The following STK4 variants were observed in gnomAD, a reference collection of about 807,000 sequenced individuals.
The protein encoded by STK4 is serine/threonine kinase 4.
Under a neutral mutation model 64.9 loss-of-function variants are expected in STK4, and 30 were observed. That is an observed-to-expected ratio of 0.46 (90% confidence interval 0.35 to 0.63). STK4 has a LOEUF of 0.63. STK4 is among the 20% of genes least tolerant of loss of function. The probability of loss-of-function intolerance (pLI) is 0.01; values close to 1 mark genes in which losing one functional copy is unlikely to be tolerated. For missense variants in STK4, 466 were observed against 598.5 expected (o/e 0.78, Z 2.31); for synonymous variants, 177 against 199.0 (o/e 0.89, Z 0.93).
At chr20:45,054,474 G>C (rs1244669916) in intron 10 of STK4, among the ~76,000 whole-genome samples, 1 of 150,436 alleles carries the variant, frequency 6.6e-6, no homozygotes, top group Non-Finnish European at 1.5e-5. Flanking sequence ...GAGGCAGGAG[G>C]ATCACTTGAA....
intron 10 of STK4, among the ~76,000 whole-genome samples, chr20:45,062,456 C>G (rs1056307728): frequency 2.6e-5 from 4 of 151,668 alleles, no homozygotes; most frequent in Non-Finnish European, 4.4e-5. Context: ...AATGGGATTG[C>G]TGGGCCAAAT....
intron 2 of STK4, among the ~76,000 whole-genome samples, chr20:44,977,013 A>G (rs1392902879): frequency 2.0e-5 from 3 of 152,202 alleles, no homozygotes; most frequent in African/African-American, 7.2e-5. Flanking sequence ...GAACTGGGCG[A>G]CATGTTTGCC....
intron 10 of STK4, among the ~76,000 whole-genome samples, chr20:45,040,113 A>G (rs2068589219): frequency 6.7e-6 from 1 of 150,282 alleles, no homozygotes; most frequent in South Asian, 2.1e-4. Flanking sequence ...AAGGTTCATA[A>G]TATCTGGATA....
At chr20:45,051,637 A>G (rs1204613318) in intron 10 of STK4, among the ~76,000 whole-genome samples, 3 of 152,192 alleles carry the variant, frequency 2.0e-5, no homozygotes, top group Non-Finnish European at 4.4e-5. Flanking sequence ...TTCTTTTTAT[A>G]GCTTCATTAG....
Position 44,995,113 on chromosome 20 carries a change from A to G in STK4, c.549A>G (p.Thr183=), listed in dbSNP as rs776820693. Residue 183 remains threonine, a synonymous_variant, in exon 6 of 11, where the codon ACA becomes ACG. Transcript: ENST00000372806. The part of the protein sequence containing the change: ...QLTDTMAKRN[T]VIGTPFWMAP... ...AGGATACCATGGCCAAGCGGAATAC[A>G]GTGATAGGAACACCATTTTGGATGG... 4.4e-5 allele frequency: 71 copies of G among 1,609,436 alleles called. No individual in the cohort carries two copies. The highest frequency in any genetic ancestry group is 1.8e-4 in the South Asian group (16 of 90,208).
At chr20:45,043,915 T>C (rs76503020) in intron 10 of STK4, among the ~76,000 whole-genome samples, 1 of 152,062 alleles carries the variant, frequency 6.6e-6, no homozygotes, top group Non-Finnish European at 1.5e-5. Context: ...CCTAAACTTT[T>C]CCCCCAGTGA....
intron 10 of STK4, among the ~76,000 whole-genome samples, chr20:45,033,689 C>T (rs759776874): frequency 6.6e-6 from 1 of 152,156 alleles, no homozygotes; most frequent in Non-Finnish European, 1.5e-5. Context: ...AAGTGATTCT[C>T]CTGCCTCAGC....
chr20:45,067,163 A>G (rs188559761), intron 10 of STK4, among the ~76,000 whole-genome samples: 3 of 152,108 alleles, frequency 2.0e-5, no homozygotes, highest in East Asian at 1.9e-4. Context: ...GTGTTGAGGT[A>G]TGGGATGGTA....
At chr20:45,070,500 C>A (rs1242161726) in intron 10 of STK4, among the ~76,000 whole-genome samples, 1 of 152,010 alleles carries the variant, frequency 6.6e-6, no homozygotes, top group African/African-American at 2.4e-5. Context: ...AATGATGATA[C>A]CATTCCTGAG....
intron 10 of STK4, among the ~76,000 whole-genome samples, chr20:45,062,094 G>C (rs900289212): frequency 6.6e-6 from 1 of 151,848 alleles, no homozygotes; most frequent in Non-Finnish European, 1.5e-5. Flanking sequence ...TGGCCACCCT[G>C]GTCTGAAATT....
chr20:44,975,354 A>T, intron 2 of STK4: 1 of 984,762 alleles, frequency 1.0e-6, no homozygotes, highest in Non-Finnish European at 1.2e-6. Context: ...TGGAATCAGG[A>T]ATCTTAACTT....
intron 10 of STK4, among the ~76,000 whole-genome samples, chr20:45,054,790 A>G (rs995488761): frequency 6.6e-6 from 1 of 152,178 alleles, no homozygotes; most frequent in Non-Finnish European, 1.5e-5. Context: ...TACTTAATGT[A>G]TGGCTGCTAA....
chr20:45,064,104 G>A (rs1015346305), intron 10 of STK4, among the ~76,000 whole-genome samples: 1 of 148,720 alleles, frequency 6.7e-6, no homozygotes, highest in Non-Finnish European at 1.5e-5. Context: ...CACTGCGCCC[G>A]GCCAAGGGGG....
Position 45,075,311 on chromosome 20 carries a change from C to A in STK4, c.*135C>A. Reference sequence around the variant, plus strand: ...ACCTTTGTGAACTCAGGAATGTGCGCCAGTGGGAAGGGCTCTCTTGACAGT... The same window carrying A: ...ACCTTTGTGAACTCAGGAATGTGCGACAGTGGGAAGGGCTCTCTTGACAGT... On this transcript the variant is annotated 3_prime_UTR_variant, in exon 11 of 11. Coordinates refer to ENST00000372806, the MANE Select transcript of STK4 (RefSeq NM_006282.5). 8.4e-7 allele frequency: 1 copy of A among 1,186,338 alleles called. No homozygotes were observed. The highest frequency in any genetic ancestry group is 1.2e-6 in the Non-Finnish European group (1 of 857,274). The allele number at this position is 1,186,338 out of a possible 1,614,324, so 73.5% of individuals were successfully genotyped here.
intron 7 of STK4, 150 bp downstream of exon 7, chr20:44,997,456 C>A: frequency 1.0e-6 from 1 of 967,694 alleles, no homozygotes; most frequent in Non-Finnish European, 1.5e-6. Context: ...CTTTGGGAGG[C>A]TGAGGCAGGT....
At chr20:45,028,413 A>G (rs1321969420) in intron 10 of STK4, among the ~76,000 whole-genome samples, 1 of 151,674 alleles carries the variant, frequency 6.6e-6, no homozygotes, top group Non-Finnish European at 1.5e-5. Context: ...TACAGCTTCA[A>G]ACTCCTGGCC....
chr20:44,987,317 T>A (rs750965665), intron 5 of STK4, 21 bp downstream of exon 5: 7 of 1,589,856 alleles, frequency 4.4e-6, no homozygotes, highest in Non-Finnish European at 5.1e-6. Flanking sequence ...ATATTACTTG[T>A]ATTGATAATT....
chr20:45,051,509 AG>A lies in STK4; in HGVS notation c.1306-23505del, dbSNP rs1167379503. Among the ~76,000 whole-genome samples, 4 of 152,256 alleles carry A rather than the reference AG, an allele frequency of 2.6e-5. No individual in the cohort carries two copies. The East Asian group carries it at 7.7e-4, about 29-fold the overall frequency. ...CATGGTAGTTCAATAAGTGGTTACC[AG>A]GGGTCTTTCTTTGACAGTTATTACT... On this transcript the variant is annotated intron_variant, in intron 10 of 10. Coordinates refer to ENST00000372806, the MANE Select transcript of STK4 (RefSeq NM_006282.5).
chr20:45,015,360 T>C (rs900291593), intron 9 of STK4, among the ~76,000 whole-genome samples: 25 of 152,236 alleles, frequency 1.6e-4, no homozygotes, highest in Non-Finnish European at 3.1e-4. Flanking sequence ...TTATTCTCAC[T>C]GACTCAGATT....
Sources: gnomAD v4.1 joint callset for allele counts (sites outside exome capture counted in the v4.1 genomes callset) on GRCh38, gnomAD v4.1.1 for gene constraint, MANE v1.5 for transcripts, NCBI Gene and HGNC (gene_info 2026-07-23, HGNC 2026-07-21) for gene names.